The following EPB41L4B variants were observed in gnomAD, a reference collection of about 807,000 sequenced individuals.
EPB41L4B encodes the protein erythrocyte membrane protein band 4.1 like 4B.
Under a neutral mutation model 112.5 loss-of-function variants are expected in EPB41L4B, and 30 were observed. That is an observed-to-expected ratio of 0.27 (90% CI 0.20 to 0.36). The LOEUF (loss-of-function observed/expected upper bound fraction) is 0.36, where lower values mean the gene tolerates loss of function less well. EPB41L4B is among the 10% of genes least tolerant of loss of function. The probability of loss-of-function intolerance (pLI) is 1.00; values close to 1 mark genes in which losing one functional copy is unlikely to be tolerated. For missense variants in EPB41L4B, 1,024 were observed against 1,133.3 expected (o/e 0.90, Z 1.38); for synonymous variants, 408 against 439.7 (o/e 0.93, Z 0.90).
intron 22 of EPB41L4B, among the ~76,000 whole-genome samples, chr9:109,186,680 T>C (rs73523169): frequency 0.12 from 17,617 of 151,182 alleles, 1,581 homozygotes; most frequent in African/African-American, 0.24. Context: ...GAGGTCCCAC[T>C]ATGTTGCCCA....
chr9:109,295,200 A>G (rs1025948588), intron 1 of EPB41L4B, among the ~76,000 whole-genome samples: 3 of 152,084 alleles, frequency 2.0e-5, no homozygotes, highest in African/African-American at 7.3e-5. Flanking sequence ...CTTTGTGCCT[A>G]ACTTCACAGA....
At chr9:109,183,427 G>A (rs1371060663) in intron 23 of EPB41L4B, among the ~76,000 whole-genome samples, 1 of 152,216 alleles carries the variant, frequency 6.6e-6, no homozygotes, top group Non-Finnish European at 1.5e-5. Context: ...GATGCACAAA[G>A]ATGCCCAGTG....
Position 109,173,206 on chromosome 9 carries a change from A to G in EPB41L4B, c.*1348T>C, listed in dbSNP as rs1045274977. 2.0e-5 allele frequency: 3 copies of G among 152,644 alleles called. No individual in the cohort carries two copies. Among genetic ancestry groups the G allele is most frequent in the African/African-American group, 7.2e-5 (3 of 41,432 alleles). The allele number at this position is 152,644 out of a possible 1,614,324, so 9.5% of individuals were successfully genotyped here. On this transcript the variant is annotated 3_prime_UTR_variant, in exon 26 of 26. Coordinates refer to ENST00000374566, the MANE Select transcript of EPB41L4B (RefSeq NM_019114.5). The stretch of plus-strand genomic sequence containing the variant: ...ATGCTTATACATTGCTGGTGGCATC[A>G]TAAATTGTCGAGGGGATTCAAGCAT...
chr9:109,245,737 A>G (rs1330454548), intron 14 of EPB41L4B, among the ~76,000 whole-genome samples: 1 of 152,188 alleles, frequency 6.6e-6, no homozygotes, highest in Non-Finnish European at 1.5e-5. Context: ...TCACATGCCA[A>G]TCAGGCCACT....
chr9:109,275,867 C>A (rs1018053429), intron 2 of EPB41L4B, among the ~76,000 whole-genome samples: 2 of 151,938 alleles, frequency 1.3e-5, no homozygotes, highest in Non-Finnish European at 2.9e-5. Flanking sequence ...TTTGGTTTCA[C>A]CATCTAGAAG....
intron 19 of EPB41L4B, 127 bp downstream of exon 19, chr9:109,203,536 G>C: frequency 1.4e-6 from 1 of 737,956 alleles, no homozygotes; most frequent in Non-Finnish European, 2.2e-6. Flanking sequence ...CCATCTCTTT[G>C]GGCTCCTATT....
Position 109,256,127 on chromosome 9 carries a change from C to T in EPB41L4B, c.929+9G>A. The T allele has an allele frequency of 6.2e-7, 1 of 1,609,308 alleles. No individual in the cohort carries two copies. The highest frequency in any genetic ancestry group is 8.5e-7 in the Non-Finnish European group (1 of 1,176,236). Reference sequence around the variant, plus strand: ...AAGACATTTTTAATATTAGACAAAACTAAATTACCAAAAGAATAAGCCTAT... The same window carrying T: ...AAGACATTTTTAATATTAGACAAAATTAAATTACCAAAAGAATAAGCCTAT... On this transcript the variant is annotated intron_variant, in intron 9 of 25. Coordinates refer to ENST00000374566, the MANE Select transcript of EPB41L4B (RefSeq NM_019114.5).
intron 4 of EPB41L4B, 122 bp downstream of exon 4, chr9:109,267,351 T>C (rs1835445007): frequency 1.6e-6 from 1 of 618,498 alleles, no homozygotes; most frequent in East Asian, 2.7e-5. Flanking sequence ...AAAGTACTAA[T>C]AACTCTTGCT....
chr9:109,216,831 C>T (rs900877102), intron 16 of EPB41L4B, 91 bp downstream of exon 16: 115 of 1,314,004 alleles, frequency 8.8e-5, no homozygotes, highest in Non-Finnish European at 1.1e-4. Flanking sequence ...TGTGCTGCAC[C>T]GCAAGGGTCT....
chr9:109,308,689 C>T (rs770054195), intron 1 of EPB41L4B, among the ~76,000 whole-genome samples: 1 of 152,138 alleles, frequency 6.6e-6, no homozygotes, highest in South Asian at 2.1e-4. Flanking sequence ...CCTCCCAAGT[C>T]GCTGGGATTA....
chr9:109,192,983 C>G lies in EPB41L4B; in HGVS notation c.2224-628G>C, dbSNP rs550825197. Among the ~76,000 whole-genome samples, 23 of 152,270 alleles carry G rather than the reference C, an allele frequency of 1.5e-4. No individual in the cohort carries two copies. The South Asian group carries it at 4.8e-3, about 32-fold the overall frequency. On this transcript the variant is annotated intron_variant, in intron 21 of 25. Transcript: ENST00000374566. ...TGCCACTTGCATCCCCTCCACGCCA[C>G]CCCAACCCCCTTCTGTTTCGTAAAT... is the stretch of plus-strand genomic sequence containing the variant.
intron 15 of EPB41L4B, among the ~76,000 whole-genome samples, chr9:109,232,442 A>C (rs3849111): frequency 0.67 from 101,832 of 151,884 alleles, 34,357 homozygotes; most frequent in African/African-American, 0.75. Context: ...TATATGAGAG[A>C]CCCCAAAGGG....
intron 15 of EPB41L4B, among the ~76,000 whole-genome samples, chr9:109,238,331 T>C (rs1479311904): frequency 6.6e-6 from 1 of 152,184 alleles, no homozygotes; most frequent in Non-Finnish European, 1.5e-5. Flanking sequence ...AATATTCAGA[T>C]GATGAAACTG....
intron 16 of EPB41L4B, 109 bp from the exon 17 acceptor site, chr9:109,213,927 C>T: frequency 1.1e-6 from 1 of 905,020 alleles, no homozygotes; most frequent in Non-Finnish European, 1.8e-6. Context: ...TTCTGCCGGC[C>T]TCCTCCTCCA....
chr9:109,291,149 C>T (rs961796287), intron 1 of EPB41L4B, among the ~76,000 whole-genome samples: 16 of 152,258 alleles, frequency 1.1e-4, no homozygotes, highest in African/African-American at 2.2e-4. Flanking sequence ...CAGTTCATAC[C>T]GCTTATAAGT....
chr9:109,289,599 A>C (rs1428334197), intron 1 of EPB41L4B, among the ~76,000 whole-genome samples: 2 of 152,208 alleles, frequency 1.3e-5, no homozygotes, highest in Non-Finnish European at 2.9e-5. Flanking sequence ...ATCCACTGGA[A>C]TTCTCTGTAG....
chr9:109,300,256 T>C (rs543628626), intron 1 of EPB41L4B: 4 of 152,128 alleles, frequency 2.6e-5, no homozygotes, highest in Non-Finnish European at 5.9e-5. Flanking sequence ...CAAATTTCTA[T>C]CATGTTCCAA....
rs763606162 is a variant in EPB41L4B at position 109,320,221 on chromosome 9, A to C, written c.226T>G (p.Ser76Ala). 6.3e-5 allele frequency: 89 copies of C among 1,411,108 alleles called. No individual in the cohort carries two copies. In the Middle Eastern group the frequency reaches 1.0e-3, roughly 17 times the overall value. 87.4% of individuals were successfully genotyped at this position (1,411,108 alleles called of 1,614,324 possible). A position where few individuals can be genotyped will look rare whatever the true frequency, so the allele number is the denominator to read the frequency against. The change falls in exon 1 of 26, where the codon TCC (serine) becomes GCC (alanine). Residue 76 changes from serine (S) to alanine (A), a missense_variant. Physicochemically the swap from Ser to Ala is moderately conservative, Grantham distance 99 (BLOSUM62 1). Transcript: ENST00000374566. ...GTGGCCTTGGCGGCGCCGGCGGCGG[A>C]GATGTGCACGGCCGCGCCGCCGGTG... Reference protein sequence around the residue: ...LLTGGAAVHISAAGAAKATLY... With the variant: ...LLTGGAAVHIAAAGAAKATLY...
chr9:109,272,479 G>A (rs1039325700), intron 2 of EPB41L4B, among the ~76,000 whole-genome samples: 5 of 151,274 alleles, frequency 3.3e-5, no homozygotes, highest in East Asian at 2.0e-4. Context: ...TAGGCCAGGC[G>A]TGGTGGCTCA....
Sources: gnomAD v4.1 joint callset for allele counts (sites outside exome capture counted in the v4.1 genomes callset) on GRCh38, gnomAD v4.1.1 for gene constraint, MANE v1.5 for transcripts, NCBI Gene and HGNC (gene_info 2026-07-23, HGNC 2026-07-21) for gene names.